The following PIK3C2G variants were observed in gnomAD, a reference collection of about 807,000 sequenced individuals.
The protein encoded by PIK3C2G is phosphatidylinositol 3-kinase C2 domain-containing subunit gamma.
A neutral mutation model predicts 181.1 loss-of-function variants in PIK3C2G; 168 were observed. The observed-to-expected ratio is 0.93, with a 90% CI of 0.82 to 1.05. The LOEUF (loss-of-function observed/expected upper bound fraction) is 1.05, where lower values mean the gene tolerates loss of function less well. PIK3C2G is among the 50% of genes least tolerant of loss of function. The probability of loss-of-function intolerance (pLI) is 0.00; values close to 1 mark genes in which losing one functional copy is unlikely to be tolerated. For synonymous variants in PIK3C2G, 573 were observed against 592.2 expected, an observed-to-expected ratio of 0.97 and a Z score of 0.47; for missense variants, 1,869 against 1,732.8, an observed-to-expected ratio of 1.08 and a Z score of -1.40.
chr12:18,660,153 G>C, the PIK3C2G span, among the ~76,000 whole-genome samples: 1 of 152,066 alleles, frequency 6.6e-6, no homozygotes, highest in Non-Finnish European at 1.5e-5. Flanking sequence ...GAGAGGACCT[G>C]GATAGTAAAT....
At chr12:18,547,333 G>A (rs750063877) in intron 26 of PIK3C2G, among the ~76,000 whole-genome samples, 2 of 151,906 alleles carry the variant, frequency 1.3e-5, no homozygotes, top group African/African-American at 2.4e-5. Flanking sequence ...TGGGGATGTC[G>A]TACACACTTG....
the PIK3C2G span, among the ~76,000 whole-genome samples, chr12:18,698,919 T>C: frequency 6.6e-6 from 1 of 152,164 alleles, no homozygotes; most frequent in Non-Finnish European, 1.5e-5. Context: ...ACTTCCCCCA[T>C]ACCCCTGCTA....
At chr12:18,694,084 G>A in the PIK3C2G span, 2 of 1,189,900 alleles carry the variant, frequency 1.7e-6, no homozygotes, top group South Asian at 1.3e-5. Context: ...ACACCCCTGA[G>A]GGGCTGTATC....
At chr12:18,341,500 GTTTA>G (rs936139247) in intron 9 of PIK3C2G, among the ~76,000 whole-genome samples, 1 of 152,086 alleles carries the variant, frequency 6.6e-6, no homozygotes, top group African/African-American at 2.4e-5. Context: ...AAAATAAGGA[GTTTA>G]TTTAATATAT....
At chr12:18,514,316 G>T (rs1185719855) in intron 24 of PIK3C2G, among the ~76,000 whole-genome samples, 1 of 151,820 alleles carries the variant, frequency 6.6e-6, no homozygotes, top group Non-Finnish European at 1.5e-5. Context: ...CTATTGGATG[G>T]AATGTTTTGT....
intron 12 of PIK3C2G, among the ~76,000 whole-genome samples, chr12:18,367,011 C>A (rs1941691274): frequency 2.0e-5 from 3 of 152,012 alleles, no homozygotes; most frequent in Admixed American, 2.0e-4. Context: ...TCCACTGTAA[C>A]TTATATAATT....
chr12:18,429,451 A>T (rs934740363), intron 18 of PIK3C2G, among the ~76,000 whole-genome samples: 5 of 152,172 alleles, frequency 3.3e-5, no homozygotes, highest in African/African-American at 1.2e-4. Flanking sequence ...AGGATGTCAC[A>T]TCATCAGGAA....
At chr12:18,696,018 G>A in the PIK3C2G span, 1 of 568,224 alleles carries the variant, frequency 1.8e-6, no homozygotes, top group Non-Finnish European at 3.2e-6. Context: ...CCCACCATTA[G>A]TGCCTGACCC....
intron 30 of PIK3C2G, 56 bp from the exon 31 acceptor site, chr12:18,609,479 G>C: frequency 2.0e-5 from 19 of 958,398 alleles, no homozygotes; most frequent in Non-Finnish European, 3.1e-5. Context: ...ATGTTTGATT[G>C]TTCCTGTGCT....
Position 18,391,144 on chromosome 12 carries a change from G to C in PIK3C2G, c.2018G>C (p.Trp673Ser). ...TLQIDFPATG[W>S]EYMKPDSEEN... ...CAGATTGATTTTCCAGCTACTGGGT[G>C]GGAGTATATGAAACCTGATTCTGAA... Residue 673 changes from tryptophan to serine, a missense_variant, in exon 15 of 33, where the codon TGG (tryptophan) becomes TCG (serine). Physicochemically the swap from Trp to Ser is radical, Grantham distance 177 (BLOSUM62 -3). Transcript: ENST00000538779. 6.2e-7 allele frequency: 1 copy of C among 1,606,282 alleles called. No individual in the cohort carries two copies. Among genetic ancestry groups the C allele is most frequent in the Non-Finnish European group, 8.5e-7 (1 of 1,175,930 alleles).
At chr12:18,576,341 C>T (rs181924047) in intron 29 of PIK3C2G, among the ~76,000 whole-genome samples, 128 of 152,260 alleles carry the variant, frequency 8.4e-4, no homozygotes, top group Admixed American at 7.0e-3. Context: ...GGAACATTGC[C>T]TGGCCATGGG....
In PIK3C2G at chr12:18,505,368, A is replaced by T; in HGVS notation, c.3230A>T (p.Asn1077Ile). The T allele has an allele frequency of 6.2e-7, 1 of 1,613,448 alleles. No individual in the cohort carries two copies. The highest frequency in any genetic ancestry group is 8.5e-7 in the Non-Finnish European group (1 of 1,179,640). The change falls in exon 24 of 33, where the codon AAT (asparagine) becomes ATT (isoleucine). Residue 1077 changes from asparagine (N) to isoleucine (I), a missense_variant. By Grantham distance (149) the Asn-to-Ile change is moderately radical (BLOSUM62 -3). Coordinates refer to ENST00000538779, the MANE Select transcript of PIK3C2G (RefSeq NM_001288772.2). ...TFILGVCDRH[N>I]DNIMLTKSGH... ...ATCCTGGGAGTATGTGACCGTCACAATGATAATATCATGCTGACAAAGTCG... is the reference window on the plus strand; with the variant it reads ...ATCCTGGGAGTATGTGACCGTCACATTGATAATATCATGCTGACAAAGTCG...
At chr12:18,394,404 A>G (rs1168756826) in intron 15 of PIK3C2G, among the ~76,000 whole-genome samples, 2 of 152,124 alleles carry the variant, frequency 1.3e-5, no homozygotes, top group African/African-American at 2.4e-5. Flanking sequence ...AACTATTGGA[A>G]AATGTCTAGC....
the PIK3C2G span, among the ~76,000 whole-genome samples, chr12:18,679,994 C>T: frequency 1.3e-5 from 2 of 151,928 alleles, no homozygotes; most frequent in Non-Finnish European, 2.9e-5. Context: ...AACTATGAAT[C>T]CTATAGAATG....
intron 11 of PIK3C2G, among the ~76,000 whole-genome samples, chr12:18,356,429 T>C (rs1689624453): frequency 6.6e-6 from 1 of 152,202 alleles, no homozygotes; most frequent in Admixed American, 6.5e-5. Flanking sequence ...TAGAACTCCA[T>C]GTGGCCCCGT....
chr12:18,677,446 G>A, the PIK3C2G span, among the ~76,000 whole-genome samples: 1 of 152,048 alleles, frequency 6.6e-6, no homozygotes, highest in Non-Finnish European at 1.5e-5. Flanking sequence ...ATCACATAGA[G>A]GGCTGGTTAG....
At chr12:18,333,754 C>T (rs1039372070) in intron 8 of PIK3C2G, among the ~76,000 whole-genome samples, 19 of 152,250 alleles carry the variant, frequency 1.2e-4, no homozygotes, top group Middle Eastern at 3.4e-3. Flanking sequence ...TGTCTCCAAA[C>T]TCATTAATTG....
chr12:18,669,280 C>T, the PIK3C2G span, among the ~76,000 whole-genome samples: 1 of 152,150 alleles, frequency 6.6e-6, no homozygotes, highest in Non-Finnish European at 1.5e-5. Flanking sequence ...TCCTCTTAAC[C>T]ACTGCACTAT....
At chr12:18,333,611 G>T (rs1591981733) in intron 8 of PIK3C2G, among the ~76,000 whole-genome samples, 1 of 152,036 alleles carries the variant, frequency 6.6e-6, no homozygotes, top group East Asian at 1.9e-4. Flanking sequence ...CCCTGCAAAG[G>T]ACATGAACTC....
Sources: allele counts gnomAD v4.1 joint callset (sites outside exome capture counted in the v4.1 genomes callset), GRCh38; gene constraint gnomAD v4.1.1; transcripts MANE v1.5; gene names NCBI Gene and HGNC (gene_info 2026-07-23, HGNC 2026-07-21).